Variants in USP40 observed in about 807,000 individuals in gnomAD.
USP40 encodes the protein ubiquitin specific peptidase 40.
A neutral mutation model predicts 166.2 loss-of-function variants in USP40; 143 were observed. The observed-to-expected ratio is 0.86, with a 90% confidence interval of 0.75 to 0.99. The LOEUF is 0.99. Among genes scored for constraint, USP40 ranks in the 50% least tolerant of loss-of-function variants. The probability of loss-of-function intolerance (pLI) is 0.00; values close to 1 mark genes in which losing one functional copy is unlikely to be tolerated. For synonymous variants in USP40, 498 were observed against 524.0 expected, an observed-to-expected ratio of 0.95 and a Z score of 0.68; for missense variants, 1,444 against 1,479.7, an observed-to-expected ratio of 0.98 and a Z score of 0.40.
At position 233,519,685 on chromosome 2, in the gene USP40, A is replaced by C. The variant is rs1382817647; in HGVS notation, c.2326-14T>G. The C allele has an allele frequency of 5.2e-6, 7 of 1,353,504 alleles. No homozygotes were observed. The highest frequency in any genetic ancestry group is 7.1e-6 in the Non-Finnish European group (7 of 986,866). 83.8% of individuals were successfully genotyped at this position (1,353,504 alleles called of 1,614,324 possible). Reference sequence around the variant, plus strand: ...ATCAAACACCATCTAAAACAGAGAAATAAAATAATGACTAAGTTGTAAAAA... The same window carrying C: ...ATCAAACACCATCTAAAACAGAGAACTAAAATAATGACTAAGTTGTAAAAA... On this transcript the variant is annotated splice_polypyrimidine_tract_variant and intron_variant, in intron 17 of 31. Coordinates refer to ENST00000678225, the MANE Select transcript of USP40 (RefSeq NM_001365479.2).
intron 7 of USP40, among the ~76,000 whole-genome samples, 161 bp from the exon 8 acceptor site, chr2:233,549,390 T>C (rs1022439814): frequency 1.4e-5 from 2 of 144,828 alleles, no homozygotes; most frequent in African/African-American, 5.0e-5. Context: ...ATTTAAAATT[T>C]TTAAATTAAT....
At position 233,486,264 on chromosome 2, in the gene USP40, C is replaced by A. The variant is rs975126134; in HGVS notation, c.3198-287G>T. ...CGGGAGAAAAGGAAAGAGGTGGCGGCCTGAGCAGGTACGATGTGGCAGAGA... is the reference window on the plus strand; with the variant it reads ...CGGGAGAAAAGGAAAGAGGTGGCGGACTGAGCAGGTACGATGTGGCAGAGA... On this transcript the variant is annotated intron_variant, in intron 28 of 31. Coordinates refer to ENST00000678225, the MANE Select transcript of USP40 (RefSeq NM_001365479.2). This position sits in a 1 kb window ranked among gnomAD's most constrained non-coding sequence, Gnocchi z 4.0. Among the ~76,000 whole-genome samples, 1 of 152,158 alleles carries A rather than the reference C, an allele frequency of 6.6e-6. No individual in the cohort carries two copies. The highest frequency in any genetic ancestry group is 1.5e-5 in the Non-Finnish European group (1 of 68,028).
intron 4 of USP40, among the ~76,000 whole-genome samples, chr2:233,557,818 G>C (rs1444205902): frequency 1.3e-5 from 2 of 152,040 alleles, no homozygotes; most frequent in African/African-American, 4.8e-5. Flanking sequence ...CAAATGGAGA[G>C]TTCAGAAGCA....
chr2:233,551,332 T>A, intron 7 of USP40, 44 bp downstream of exon 7: 1 of 1,555,694 alleles, frequency 6.4e-7, no homozygotes, highest in Non-Finnish European at 8.7e-7. Context: ...AGATTCAATC[T>A]TGAGAGGGGA....
At chr2:233,518,566 CAAAAA>C (rs61393952) in intron 18 of USP40, among the ~76,000 whole-genome samples, 1 of 77,830 alleles carries the variant, frequency 1.3e-5, no homozygotes. Context: ...GACTCTGTCT[CAAAAA>C]AAAAAAAAAA....
In USP40 at chr2:233,481,221, G is replaced by T. The variant is rs1273630269; in HGVS notation, c.3581C>A (p.Ala1194Asp). Residue 1194 changes from alanine to aspartate, a missense_variant, in exon 31 of 32, where the codon GCC (alanine) becomes GAC (aspartate). Transcript: ENST00000678225. ...DTGKEKQKQRALGRRKSQEAL... is the reference protein window; with the variant it reads ...DTGKEKQKQRDLGRRKSQEAL... ...CAATTACCTTTTCCTTCTCCCCAGG[G>T]CCCGTTGTTTCTGCTTTTCTTTTCC... 6.2e-7 allele frequency: 1 copy of T among 1,606,896 alleles called. No individual in the cohort carries two copies. The highest frequency in any genetic ancestry group is 1.7e-5 in the Admixed American group (1 of 59,248).
chr2:233,533,863 G>A (rs959311097), intron 10 of USP40, 84 bp from the exon 11 acceptor site: 34 of 1,304,266 alleles, frequency 2.6e-5, no homozygotes, highest in Non-Finnish European at 3.4e-5. Context: ...CTTCCTTTCT[G>A]TGATTAGATC....
chr2:233,557,196 A>G (rs557870983), intron 4 of USP40, among the ~76,000 whole-genome samples, 177 bp from the exon 5 acceptor site: 5 of 152,370 alleles, frequency 3.3e-5, no homozygotes, highest in Non-Finnish European at 5.9e-5. Context: ...ATTTTTATTT[A>G]TACTAAAAAA....
chr2:233,522,738 A>G (rs948418886), intron 16 of USP40, among the ~76,000 whole-genome samples: 2 of 152,192 alleles, frequency 1.3e-5, no homozygotes, highest in Non-Finnish European at 2.9e-5. Flanking sequence ...TAAGGAAACA[A>G]TGAGTTGTCT....
chr2:233,524,223 G>A (rs544895691), intron 15 of USP40, among the ~76,000 whole-genome samples: 4 of 152,140 alleles, frequency 2.6e-5, no homozygotes, highest in East Asian at 3.9e-4. Flanking sequence ...TCCACTTTCC[G>A]GGTTCAAGCG....
In USP40 at chr2:233,489,386, C is replaced by T. The variant is rs963718084; in HGVS notation, c.3110G>A (p.Arg1037Gln). The change falls in exon 27 of 32, where the codon CGA becomes CAA. Residue 1037 changes from arginine to glutamine, a missense_variant. Transcript: ENST00000678225. ...VERKRPGRLL[R>Q]TDRQPLREYK... The stretch of plus-strand genomic sequence containing the variant: ...CTACCTGAGTGGCTGCCGGTCAGTT[C>T]GTAAAAGCCTGCCTGGGCGCTTCCT... 10 of 1,596,250 alleles carry T rather than the reference C, an allele frequency of 6.3e-6. No individual in the cohort carries two copies. Among genetic ancestry groups the T allele is most frequent in the South Asian group, 4.6e-5 (4 of 87,598 alleles).
chr2:233,526,634 T>C (rs901183713), intron 13 of USP40, among the ~76,000 whole-genome samples: 3 of 152,116 alleles, frequency 2.0e-5, no homozygotes, highest in African/African-American at 7.2e-5. Context: ...AAGCTAACAT[T>C]TTCTATCTCC....
intron 21 of USP40, among the ~76,000 whole-genome samples, chr2:233,501,568 T>G (rs2066072094): frequency 6.6e-6 from 1 of 152,074 alleles, no homozygotes; most frequent in South Asian, 2.1e-4. Context: ...AGATGACAGG[T>G]TTGACAGGGT....
In USP40 at chr2:233,476,548, C is replaced by A. The variant is rs1004332510; in HGVS notation, c.*844G>T. The A allele has an allele frequency of 2.0e-5, 3 of 152,368 alleles. No homozygotes were observed. The East Asian group carries it at 5.6e-4, about 29-fold the overall frequency. The allele number at this position is 152,368 out of a possible 1,614,324, so 9.4% of individuals were successfully genotyped here. On this transcript the variant is annotated 3_prime_UTR_variant, in exon 32 of 32. Transcript: ENST00000678225. ...AGGAAACCGGTCAGGCTGCCCAGGA[C>A]ACCTGGAACCTGGGCTATGCCAGGC...
At chr2:233,505,922 G>C (rs1296581752) in intron 21 of USP40, among the ~76,000 whole-genome samples, 1 of 152,050 alleles carries the variant, frequency 6.6e-6, no homozygotes, top group Non-Finnish European at 1.5e-5. Flanking sequence ...CTGTCAACAA[G>C]GTATTAGCAA....
chr2:233,562,720 A>T lies in USP40; in HGVS notation c.267+16T>A. 1 of 1,481,858 alleles carries T rather than the reference A, an allele frequency of 6.7e-7. No homozygotes were observed. The allele number at this position is 1,481,858 out of a possible 1,614,324, so 91.8% of individuals were successfully genotyped here. A position where few individuals can be genotyped will look rare whatever the true frequency, so the allele number is the denominator to read the frequency against. On this transcript the variant is annotated intron_variant, in intron 3 of 31. Coordinates refer to ENST00000678225, the MANE Select transcript of USP40 (RefSeq NM_001365479.2). ...CCCTAAAACTTAAAGTATAATAATA[A>T]TAATAATAAAAATACCTTTGCATCG... is the stretch of plus-strand genomic sequence containing the variant.
At position 233,493,904 on chromosome 2, in the gene USP40, C is replaced by T. The variant is rs1021123173; in HGVS notation, c.2791-353G>A. ...GCCCAGGATACCAGTCCCAGCAGTG[C>T]AGTTTATCACACAGATGCAAGAGCC... On this transcript the variant is annotated intron_variant, in intron 24 of 31. Coordinates refer to ENST00000678225, the MANE Select transcript of USP40 (RefSeq NM_001365479.2). The surrounding 1 kb of genome is among the most constrained non-coding windows in gnomAD (Gnocchi z 4.7). Among the ~76,000 whole-genome samples, 1 of 152,162 alleles carries T rather than the reference C, an allele frequency of 6.6e-6. No individual in the cohort carries two copies. Among genetic ancestry groups the T allele is most frequent in the African/African-American group, 2.4e-5 (1 of 41,436 alleles).
intron 2 of USP40, among the ~76,000 whole-genome samples, chr2:233,564,981 A>G (rs1374598214): frequency 6.6e-6 from 1 of 152,228 alleles, no homozygotes; most frequent in Admixed American, 6.5e-5. Flanking sequence ...AGGTAGATAT[A>G]ATTGGTTGGA....
intron 18 of USP40, among the ~76,000 whole-genome samples, chr2:233,519,021 A>G (rs931945637): frequency 6.6e-6 from 1 of 152,234 alleles, no homozygotes; most frequent in African/African-American, 2.4e-5. Context: ...ACAAAAGACT[A>G]TATGTTTTAT....
Sources: gnomAD v4.1 joint callset for allele counts (sites outside exome capture counted in the v4.1 genomes callset) on GRCh38, gnomAD v4.1.1 for gene constraint, Gnocchi (gnomAD v3.1) non-coding constraint, MANE v1.5 for transcripts, NCBI Gene and HGNC (gene_info 2026-07-23, HGNC 2026-07-21) for gene names.